The following ESCO1 variants were observed in gnomAD, a reference collection of about 807,000 sequenced individuals.
The protein encoded by ESCO1 is N-acetyltransferase ESCO1.
In ESCO1, 33 loss-of-function variants were observed where a neutral mutation model predicts 83.5. That is an observed-to-expected ratio of 0.40 (90% CI 0.30 to 0.53). The LOEUF is 0.53. Ranked by LOEUF, ESCO1 falls within the 20% of genes least tolerant of loss-of-function variation. ESCO1 has a pLI of 0.63. For synonymous variants in ESCO1, 332 were observed against 324.3 expected (o/e 1.02, Z -0.25); for missense variants, 855 against 968.0 (o/e 0.88, Z 1.55).
chr18:21,580,989 G>GA (rs2038494838), intron 2 of ESCO1, among the ~76,000 whole-genome samples: 2 of 147,356 alleles, frequency 1.4e-5, no homozygotes, highest in South Asian at 4.3e-4. Flanking sequence ...AAACTCCATC[G>GA]AAACGGAGTC....
Position 21,564,168 on chromosome 18 carries a change from A to G in ESCO1, c.1821+35T>C, listed in dbSNP as rs761264895. ...TGAAATATACTAAGATGGTTCTAAC[A>G]ACAATTCACCAAAATGGTCAAGTTG... On this transcript the variant is annotated intron_variant, in intron 7 of 11. Coordinates refer to ENST00000269214, the MANE Select transcript of ESCO1 (RefSeq NM_052911.3). 41 of 1,342,972 alleles carry G rather than the reference A, an allele frequency of 3.1e-5. No homozygotes were observed. In the Middle Eastern group the frequency reaches 6.8e-4, roughly 22 times the overall value. The allele number at this position is 1,342,972 out of a possible 1,614,324, so 83.2% of individuals were successfully genotyped here.
rs1282417454 is a variant in ESCO1, at chr18:21,573,854, A to G, written c.990T>C (p.Ser330=). The stretch of plus-strand genomic sequence containing the variant: ...TTTCTGTGGGCTTTTCTTCCTTTAC[A>G]CTTTCCATTTGTGAAGATTCCTTTT... The part of the protein sequence containing the change: ...EVKKESSQME[S]VKEEKPTEIK... Residue 330 remains serine, a synonymous_variant, in exon 4 of 12, where the codon AGT becomes AGC. Transcript: ENST00000269214. 2 of 1,613,818 alleles carry G rather than the reference A, an allele frequency of 1.2e-6. No homozygotes were observed. The highest frequency in any genetic ancestry group is 1.3e-5 in the African/African-American group (1 of 74,856).
chr18:21,565,643 G>C (rs911975034), intron 6 of ESCO1, among the ~76,000 whole-genome samples: 1 of 152,156 alleles, frequency 6.6e-6, no homozygotes, highest in Non-Finnish European at 1.5e-5. Flanking sequence ...GAATTTAGAA[G>C]AATAAGGTAG....
chr18:21,592,636 C>T (rs1474340221), intron 1 of ESCO1, among the ~76,000 whole-genome samples: 3 of 149,926 alleles, frequency 2.0e-5, no homozygotes, highest in Non-Finnish European at 3.0e-5. Flanking sequence ...GACGGGGCGG[C>T]TGGCCTGGCG....
chr18:21,553,090 G>GC (rs2038064777), intron 8 of ESCO1, among the ~76,000 whole-genome samples: 1 of 152,142 alleles, frequency 6.6e-6, no homozygotes, highest in Non-Finnish European at 1.5e-5. Context: ...AGGAGTTTGT[G>GC]ACCAAGCTGG....
Position 21,532,571 on chromosome 18 carries a change from T to A in ESCO1, c.2277A>T (p.Ser759=). The A allele has an allele frequency of 6.2e-7, 1 of 1,614,174 alleles. No individual in the cohort carries two copies. Residue 759 remains serine (S), a synonymous_variant, in exon 11 of 12, where the codon TCA becomes TCT. Coordinates refer to ENST00000269214, the MANE Select transcript of ESCO1 (RefSeq NM_052911.3). ...CGCAGATTGCAGGCTCTGGTAATGT[T>A]GAGCAGCACCAGGCTTTTTGCCTTT... ...RFERQKAWCC[S]TLPEPAICGI... is the part of the protein sequence containing the mutation.
At position 21,540,546 on chromosome 18, in the gene ESCO1, A is replaced by C. The variant is rs769911753; in HGVS notation, c.1954-537T>G. 5 of 1,293,462 alleles carry C rather than the reference A, an allele frequency of 3.9e-6. No individual in the cohort carries two copies. In the African/African-American group the frequency reaches 7.8e-5, roughly 20 times the overall value. 80.1% of individuals were successfully genotyped at this position (1,293,462 alleles called of 1,614,324 possible). A position where few individuals can be genotyped will look rare whatever the true frequency, so the allele number is the denominator to read the frequency against. On this transcript the variant is annotated intron_variant, in intron 8 of 11. Transcript: ENST00000269214. ...CTTATTGATCACAACTACCAAAGCC[A>C]CAAGAAGGAGACTATAAAAAATATA...
intron 1 of ESCO1, among the ~76,000 whole-genome samples, chr18:21,592,393 TC>T (rs1208484699): frequency 3.0e-5 from 3 of 99,452 alleles, no homozygotes; most frequent in East Asian, 6.5e-4. Flanking sequence ...CCCCCCCACC[TC>T]CCTCCCAGAT....
intron 10 of ESCO1, among the ~76,000 whole-genome samples, chr18:21,535,409 C>T (rs2037823517): frequency 1.4e-5 from 2 of 145,124 alleles, no homozygotes; most frequent in South Asian, 2.2e-4. Flanking sequence ...TTTTTGAGAC[C>T]GAGTCTTGTG....
intron 7 of ESCO1, among the ~76,000 whole-genome samples, chr18:21,561,843 C>A (rs1568101321): frequency 1.3e-5 from 2 of 151,980 alleles, no homozygotes; most frequent in Non-Finnish European, 2.9e-5. Flanking sequence ...GCTAGGATTA[C>A]AGGTGTGAGC....
intron 2 of ESCO1, among the ~76,000 whole-genome samples, chr18:21,578,530 C>T (rs577318036): frequency 1.8e-4 from 28 of 151,952 alleles, no homozygotes; most frequent in Non-Finnish European, 3.4e-4. Context: ...AGAAATTTTC[C>T]TAGACCTGAA....
At chr18:21,552,065 C>A (rs1036357750) in intron 8 of ESCO1, among the ~76,000 whole-genome samples, 23 of 152,294 alleles carry the variant, frequency 1.5e-4, no homozygotes, top group African/African-American at 5.5e-4. Context: ...ATTTAATCTA[C>A]AGATTCAATG....
chr18:21,576,209 G>C (rs2038416791), intron 2 of ESCO1, among the ~76,000 whole-genome samples: 1 of 152,106 alleles, frequency 6.6e-6, no homozygotes, highest in Non-Finnish European at 1.5e-5. Context: ...AAGCAATAGA[G>C]GGACTAAAAC....
chr18:21,593,025 G>T (rs1275224451), intron 1 of ESCO1: 2 of 162,834 alleles, frequency 1.2e-5, no homozygotes, highest in Non-Finnish European at 2.7e-5. Flanking sequence ...TCACTTCCTA[G>T]ATGGGATGGC....
chr18:21,557,758 T>G (rs2038130881), intron 8 of ESCO1, among the ~76,000 whole-genome samples: 1 of 152,178 alleles, frequency 6.6e-6, no homozygotes, highest in East Asian at 1.9e-4. Context: ...GAGTTCCTGA[T>G]AGGTTCCTGA....
At chr18:21,540,642 A>T (rs2037894417) in intron 8 of ESCO1, 2 of 1,343,782 alleles carry the variant, frequency 1.5e-6, no homozygotes, top group South Asian at 2.3e-5. Context: ...CATACTCAAA[A>T]AAAGAGAGGT....
intron 2 of ESCO1, among the ~76,000 whole-genome samples, chr18:21,583,924 C>T (rs1053116496): frequency 1.3e-5 from 2 of 151,886 alleles, no homozygotes; most frequent in African/African-American, 4.8e-5. Flanking sequence ...GGAACCATGA[C>T]GAAGAAACAT....
chr18:21,535,170 T>C (rs16942790), intron 10 of ESCO1, among the ~76,000 whole-genome samples: 48,426 of 151,998 alleles, frequency 0.32, 10,594 homozygotes, highest in African/African-American at 0.59. Flanking sequence ...GACATTACAT[T>C]GGTATCCAAC....
At chr18:21,592,719 T>A (rs1292823323) in intron 1 of ESCO1, among the ~76,000 whole-genome samples, 1 of 120,694 alleles carries the variant, frequency 8.3e-6, no homozygotes, top group African/African-American at 3.3e-5. Context: ...CCAGACGGGG[T>A]GGCTGCCGGG....
Sources: allele counts gnomAD v4.1 joint callset (sites outside exome capture counted in the v4.1 genomes callset), GRCh38; gene constraint gnomAD v4.1.1; transcripts MANE v1.5; gene names NCBI Gene and HGNC (gene_info 2026-07-23, HGNC 2026-07-21).